Variants in SLC17A4 observed in about 807,000 individuals in gnomAD.
SLC17A4 encodes solute carrier family 17 member 4, also known as probable small intestine urate exporter.
SLC17A4 carries 33 observed loss-of-function variants against 52.5 expected under a neutral mutation model. That is an observed-to-expected ratio of 0.63 (90% CI 0.48 to 0.84). The LOEUF is 0.84. Ranked by LOEUF, SLC17A4 falls within the 40% of genes least tolerant of loss-of-function variation. The pLI, the probability that SLC17A4 is intolerant of heterozygous loss-of-function variation, is 0.00. For missense variants in SLC17A4, 585 were observed against 597.1 expected, an observed-to-expected ratio of 0.98 and a Z score of 0.21; for synonymous variants, 225 against 216.2, an observed-to-expected ratio of 1.04 and a Z score of -0.36.
chr6:25,777,721 C>T, intron 10 of SLC17A4: 1 of 529,762 alleles, frequency 1.9e-6, no homozygotes, highest in Admixed American at 3.2e-5. Flanking sequence ...CAGGATTATA[C>T]TAATCATTGG....
chr6:25,767,003 A>G (rs1187265659), intron 2 of SLC17A4, among the ~76,000 whole-genome samples: 1 of 152,170 alleles, frequency 6.6e-6, no homozygotes, highest in Non-Finnish European at 1.5e-5. Context: ...AGGTTTATTA[A>G]TTGCAACAAA....
chr6:25,759,850 T>C (rs546295966), intron 1 of SLC17A4, among the ~76,000 whole-genome samples: 14 of 152,234 alleles, frequency 9.2e-5, no homozygotes, highest in Non-Finnish European at 1.5e-4. Context: ...TATATATGTA[T>C]CCAATTCTTT....
At chr6:25,755,036 G>GAC (rs1162916466) in intron 1 of SLC17A4, among the ~76,000 whole-genome samples, 16 of 106,780 alleles carry the variant, frequency 1.5e-4, no homozygotes, top group Admixed American at 2.1e-4. Flanking sequence ...CAGACAGACA[G>GAC]ACACACACAC....
chr6:25,770,509 C>T (rs753423826), intron 5 of SLC17A4, 38 bp downstream of exon 5: 1 of 1,583,986 alleles, frequency 6.3e-7, no homozygotes, highest in South Asian at 1.1e-5. Flanking sequence ...CATGCACTGT[C>T]CAGGAGAACT....
rs760361064 is a variant in SLC17A4, at chr6:25,773,532, C to G, written c.845C>G (p.Ser282Cys). ...TTCCAGGACTGTTCACCAGGCTGGT[C>G]TCTTCCCATTAGGGCTATGATCAAA... ...LAQQDCSPGW[S>C]LPIRAMIKSL... Residue 282 changes from serine to cysteine, a missense_variant, in exon 8 of 12, where the codon TCT becomes TGT. Transcript: ENST00000377905. 1 of 1,613,748 alleles carries G rather than the reference C, an allele frequency of 6.2e-7. No individual in the cohort carries two copies. The highest frequency in any genetic ancestry group is 8.5e-7 in the Non-Finnish European group (1 of 1,179,880).
rs372171525 is a variant in SLC17A4 at position 25,770,483 on chromosome 6, C to T, written c.619+12C>T. On this transcript the variant is annotated intron_variant, in intron 5 of 11. Coordinates refer to ENST00000377905, the MANE Select transcript of SLC17A4 (RefSeq NM_005495.3). ...CATTGCTGGATCAGGTAACTGGTAC[C>T]CTAAACCTCACTTTACATGCACTGT... 69 of 1,611,864 alleles carry T rather than the reference C, an allele frequency of 4.3e-5. No homozygotes were observed. The African/African-American group carries it at 7.2e-4, about 17-fold the overall frequency.
At chr6:25,777,354 T>C (rs1051023185) in intron 10 of SLC17A4, 4 of 178,840 alleles carry the variant, frequency 2.2e-5, no homozygotes, top group African/African-American at 7.1e-5. Context: ...CTGTCTCTGA[T>C]ACAGTAAAAA....
intron 8 of SLC17A4, among the ~76,000 whole-genome samples, chr6:25,774,566 G>A (rs1762742456): frequency 6.6e-6 from 1 of 152,168 alleles, no homozygotes; most frequent in Non-Finnish European, 1.5e-5. Flanking sequence ...AAGAGGAAGA[G>A]GGCCAGAAAT....
chr6:25,764,118 G>A (rs1761794215), intron 2 of SLC17A4, among the ~76,000 whole-genome samples: 1 of 152,172 alleles, frequency 6.6e-6, no homozygotes, highest in Admixed American at 6.5e-5. Flanking sequence ...TGTCTAACAT[G>A]ACTGATCCTC....
Position 25,770,147 on chromosome 6 carries a change from C to A in SLC17A4, c.378C>A (p.Ile126=). 6.2e-7 allele frequency: 1 copy of A among 1,614,086 alleles called. No individual in the cohort carries two copies. The highest frequency in any genetic ancestry group is 8.5e-7 in the Non-Finnish European group (1 of 1,179,980). ...ACTATGGCTCATTCTTGGCTCCAATCCCCAGTGGCTATGTGGCTGGAATAT... is the reference window on the plus strand; with the variant it reads ...ACTATGGCTCATTCTTGGCTCCAATACCCAGTGGCTATGTGGCTGGAATAT... ...SLNYGSFLAP[I]PSGYVAGIFG... Residue 126 remains isoleucine, a synonymous_variant, in exon 4 of 12, where the codon ATC becomes ATA. Coordinates refer to ENST00000377905, the MANE Select transcript of SLC17A4 (RefSeq NM_005495.3).
At chr6:25,755,776 A>G (rs1760963547) in intron 1 of SLC17A4, among the ~76,000 whole-genome samples, 1 of 152,194 alleles carries the variant, frequency 6.6e-6, no homozygotes. Flanking sequence ...CAGGAGTCTC[A>G]ACCCCAAGTG....
In SLC17A4 at chr6:25,761,953, G is replaced by C. The variant is rs2151423186; in HGVS notation, c.-10G>C. The C allele has an allele frequency of 1.2e-6, 2 of 1,611,456 alleles. No homozygotes were observed. Among genetic ancestry groups the C allele is most frequent in the African/African-American group, 1.3e-5 (1 of 74,960 alleles). On this transcript the variant is annotated 5_prime_UTR_variant, in exon 2 of 12. Coordinates refer to ENST00000377905, the MANE Select transcript of SLC17A4 (RefSeq NM_005495.3). ...AAGTAAATGCCAGTCCCTAGGAAGA[G>C]AGAACCAAAATGTCTACCGGACCAG...
chr6:25,770,387 ATGGTATTAAC>A lies in SLC17A4; in HGVS notation c.540_549del (p.Leu181SerfsTer43). ...AGAATGGAATTTTTCCCCCCAGGTT[ATGGTATTAAC>A]TGGTCAGTATTCAATTTGGGTCAAA... On this transcript the variant is annotated frameshift_variant, in exon 5 of 12. Transcript: ENST00000377905. LOFTEE classifies it high-confidence loss of function. 6.2e-7 allele frequency: 1 copy of A among 1,614,072 alleles called. No homozygotes were observed. Among genetic ancestry groups the A allele is most frequent in the Non-Finnish European group, 8.5e-7 (1 of 1,179,948 alleles).
At chr6:25,777,849 G>A in intron 10 of SLC17A4, 77 bp from the exon 11 acceptor site, 1 of 1,167,102 alleles carries the variant, frequency 8.6e-7, no homozygotes, top group South Asian at 1.3e-5. Flanking sequence ...AGGAATATTT[G>A]CCTCCCTCTC....
intron 8 of SLC17A4, 78 bp from the exon 9 acceptor site, chr6:25,776,517 G>T: frequency 6.7e-7 from 1 of 1,500,984 alleles, no homozygotes; most frequent in South Asian, 1.4e-5. Context: ...CACAAATGTG[G>T]ACAGTCTGTC....
At chr6:25,765,883 A>T (rs1761967594) in intron 2 of SLC17A4, among the ~76,000 whole-genome samples, 1 of 152,050 alleles carries the variant, frequency 6.6e-6, no homozygotes, top group African/African-American at 2.4e-5. Context: ...TACATACAAG[A>T]GCTGGTTCTT....
chr6:25,776,185 A>C lies in SLC17A4; in HGVS notation c.988-410A>C, dbSNP rs568478360. Reference sequence around the variant, plus strand: ...GGTGTTTTTGCCAATTTGATCCATGAAAAATAATATCTCACCATAGTTTTA... The same window carrying C: ...GGTGTTTTTGCCAATTTGATCCATGCAAAATAATATCTCACCATAGTTTTA... On this transcript the variant is annotated intron_variant, in intron 8 of 11. Transcript: ENST00000377905. Among the ~76,000 whole-genome samples, 11 of 152,286 alleles carry C rather than the reference A, an allele frequency of 7.2e-5. No homozygotes were observed. In the South Asian group the frequency reaches 2.3e-3, roughly 32 times the overall value.
intron 1 of SLC17A4, among the ~76,000 whole-genome samples, chr6:25,756,313 TC>T (rs1761009585): frequency 6.6e-6 from 1 of 152,188 alleles, no homozygotes; most frequent in African/African-American, 2.4e-5. Flanking sequence ...CTGGAATTGT[TC>T]TTGCTCAGCG....
intron 11 of SLC17A4, among the ~76,000 whole-genome samples, chr6:25,778,654 TA>T (rs1279322640): frequency 6.6e-6 from 1 of 152,180 alleles, no homozygotes; most frequent in Non-Finnish European, 1.5e-5. Flanking sequence ...TCTATGGAAG[TA>T]AAATATATGA....
Sources: gnomAD v4.1 joint callset for allele counts (sites outside exome capture counted in the v4.1 genomes callset) on GRCh38, gnomAD v4.1.1 for gene constraint, MANE v1.5 for transcripts, NCBI Gene and HGNC (gene_info 2026-07-23, HGNC 2026-07-21) for gene names.